PPM1L: variants seen among roughly 807,000 people sequenced by gnomAD.
The protein encoded by PPM1L is protein phosphatase 1L.
PPM1L carries 13 observed loss-of-function variants against 31.4 expected under a neutral mutation model. That is an observed-to-expected ratio of 0.41 (90% confidence interval 0.27 to 0.66). PPM1L has a LOEUF of 0.66. Among genes scored for constraint, PPM1L ranks in the 30% least tolerant of loss-of-function variants. The pLI, the probability that PPM1L is intolerant of heterozygous loss-of-function variation, is 0.29. For synonymous variants in PPM1L, 184 were observed against 175.4 expected (o/e 1.05, Z -0.39); for missense variants, 326 against 453.7 (o/e 0.72, Z 2.56).
chr3:160,789,970 C>A (rs1712053534), intron 1 of PPM1L, among the ~76,000 whole-genome samples: 2 of 152,084 alleles, frequency 1.3e-5, no homozygotes, highest in South Asian at 4.1e-4. Flanking sequence ...TACTTTAAAT[C>A]ATCTCTAGAT....
rs112647660 is a variant in PPM1L at position 160,778,075 on chromosome 3, T to G, written c.399+21368T>G. ...GTAGCCATTTTTAATGGCTGTGATATCTCATTGTGGTTTTGATTTGCATTT... is the reference window on the plus strand; with the variant it reads ...GTAGCCATTTTTAATGGCTGTGATAGCTCATTGTGGTTTTGATTTGCATTT... On this transcript the variant is annotated intron_variant, in intron 1 of 3. Coordinates refer to ENST00000498165, the MANE Select transcript of PPM1L (RefSeq NM_139245.4). Among the ~76,000 whole-genome samples, 1,416 of 152,294 alleles carry G rather than the reference T, an allele frequency of 9.3e-3. 20 individuals are homozygous for G. The highest frequency in any genetic ancestry group is 0.031 in the African/African-American group (1,305 of 41,560).
chr3:160,953,909 C>T (rs1715651071), intron 1 of PPM1L, among the ~76,000 whole-genome samples: 1 of 152,178 alleles, frequency 6.6e-6, no homozygotes, highest in Non-Finnish European at 1.5e-5. Context: ...GTTTTTCTTT[C>T]CCATCTGTTG....
chr3:160,859,755 T>C (rs1418160341), intron 1 of PPM1L, among the ~76,000 whole-genome samples: 1 of 152,170 alleles, frequency 6.6e-6, no homozygotes, highest in Non-Finnish European at 1.5e-5. Context: ...AATATGTGCA[T>C]TTTGTGAGGA....
intron 1 of PPM1L, among the ~76,000 whole-genome samples, chr3:160,910,228 T>C (rs1398857128): frequency 1.6e-5 from 1 of 63,986 alleles, no homozygotes; most frequent in Non-Finnish European, 2.8e-5. Flanking sequence ...TCCCCTTTCC[T>C]TTCCCCTTCC....
intron 1 of PPM1L, among the ~76,000 whole-genome samples, chr3:160,831,228 A>T (rs934007244): frequency 6.6e-6 from 1 of 152,216 alleles, no homozygotes; most frequent in Admixed American, 6.6e-5. Context: ...AATGTTTGAG[A>T]TGATGGATAT....
chr3:160,798,510 G>C (rs764025339), intron 1 of PPM1L, among the ~76,000 whole-genome samples: 1 of 152,104 alleles, frequency 6.6e-6, no homozygotes, highest in Non-Finnish European at 1.5e-5. Flanking sequence ...TTATGCTCTC[G>C]AAATGGAACA....
At chr3:160,877,456 A>G (rs1476110556) in intron 1 of PPM1L, among the ~76,000 whole-genome samples, 1 of 152,206 alleles carries the variant, frequency 6.6e-6, no homozygotes, top group African/African-American at 2.4e-5. Flanking sequence ...CCCAGCTCAT[A>G]GAAATAATTT....
chr3:161,071,891 A>G lies in PPM1L; in HGVS notation c.*2734A>G, dbSNP rs1274818403. The G allele has an allele frequency of 3.3e-5, 5 of 151,916 alleles. No homozygotes were observed. The highest frequency in any genetic ancestry group is 2.6e-4 in the Admixed American group (4 of 15,250). The allele number at this position is 151,916 out of a possible 1,614,324, so 9.4% of individuals were successfully genotyped here. A position where few individuals can be genotyped will look rare whatever the true frequency, so the allele number is the denominator to read the frequency against. ...AAGCTTCCCTAAGCAGCACTGCCAA[A>G]GCTTTGGAATTGTCACCCAAGGCTT... On this transcript the variant is annotated 3_prime_UTR_variant, in exon 4 of 4. Transcript: ENST00000498165.
chr3:160,926,502 G>A (rs546883447), intron 1 of PPM1L, among the ~76,000 whole-genome samples: 1 of 152,268 alleles, frequency 6.6e-6, no homozygotes, highest in African/African-American at 2.4e-5. Flanking sequence ...CACACCAAGA[G>A]TTTAAGCTTT....
At chr3:160,852,516 G>C (rs760600471) in intron 1 of PPM1L, among the ~76,000 whole-genome samples, 2 of 152,068 alleles carry the variant, frequency 1.3e-5, no homozygotes, top group Non-Finnish European at 2.9e-5. Context: ...ATTGATTCAG[G>C]ACAGAGTGGG....
rs1719221183 is a variant in PPM1L at position 161,050,042 on chromosome 3, T to C, written c.575-15361T>C. Among the ~76,000 whole-genome samples, 6 of 152,310 alleles carry C rather than the reference T, an allele frequency of 3.9e-5. No homozygotes were observed. The South Asian group carries it at 1.2e-3, about 32-fold the overall frequency. ...TGGGCAAAAGCATCTAACCATGTGG[T>C]ATGGTGGTGTCACCTGAGTGTGGTG... On this transcript the variant is annotated intron_variant, in intron 2 of 3. Transcript: ENST00000498165.
At chr3:160,766,450 T>C (rs750362623) in intron 1 of PPM1L, among the ~76,000 whole-genome samples, 3 of 152,198 alleles carry the variant, frequency 2.0e-5, no homozygotes, top group Non-Finnish European at 2.9e-5. Flanking sequence ...GTTCTCATGA[T>C]ACTGAGTGAG....
In PPM1L at chr3:160,756,880, C is replaced by G. The variant is rs1467996058; in HGVS notation, c.399+173C>G. Among the ~76,000 whole-genome samples, 1 of 151,754 alleles carries G rather than the reference C, an allele frequency of 6.6e-6. No individual in the cohort carries two copies. Among genetic ancestry groups the G allele is most frequent in the South Asian group, 2.1e-4 (1 of 4,804 alleles). ...ACCACGGTGCCTGGCTGGACAAATG[C>G]GGCTCAAGTTGCCAAAAGCACTGCT... is the stretch of plus-strand genomic sequence containing the variant. On this transcript the variant is annotated intron_variant, in intron 1 of 3. Coordinates refer to ENST00000498165, the MANE Select transcript of PPM1L (RefSeq NM_139245.4). This position sits in a 1 kb window ranked among gnomAD's most constrained non-coding sequence, Gnocchi z 6.2.
intron 1 of PPM1L, among the ~76,000 whole-genome samples, chr3:160,768,083 TATATG>T (rs1194570415): frequency 4.6e-5 from 7 of 152,326 alleles, no homozygotes; most frequent in African/African-American, 7.2e-5. Context: ...TTTACATAGT[TATATG>T]ATAGATATGT....
chr3:160,843,426 T>TTATATATA (rs55994031), intron 1 of PPM1L, among the ~76,000 whole-genome samples: 1,208 of 46,954 alleles, frequency 0.026, 26 homozygotes, highest in Non-Finnish European at 0.032. Flanking sequence ...GGCAATTCTT[T>TTATATATA]TATATATATA....
chr3:160,825,826 G>A (rs1305028140), intron 1 of PPM1L, among the ~76,000 whole-genome samples: 3 of 152,004 alleles, frequency 2.0e-5, no homozygotes, highest in Admixed American at 6.6e-5. Context: ...TGATATTCGC[G>A]AACCCTCCAC....
chr3:160,774,379 G>A (rs911502668), intron 1 of PPM1L, among the ~76,000 whole-genome samples: 1 of 152,124 alleles, frequency 6.6e-6, no homozygotes, highest in African/African-American at 2.4e-5. Context: ...GATTGTGACA[G>A]TGGCCTCCTC....
intron 1 of PPM1L, among the ~76,000 whole-genome samples, chr3:160,917,144 C>T (rs1714212951): frequency 6.6e-6 from 1 of 152,178 alleles, no homozygotes; most frequent in South Asian, 2.1e-4. Context: ...AATTTATCAT[C>T]TGCCCTTATT....
intron 2 of PPM1L, among the ~76,000 whole-genome samples, chr3:161,039,762 C>T (rs980870049): frequency 6.6e-6 from 1 of 152,088 alleles, no homozygotes; most frequent in Non-Finnish European, 1.5e-5. Context: ...GTGATCCGCC[C>T]GCCTCGGCCT....
Sources: gnomAD v4.1 joint callset for allele counts (sites outside exome capture counted in the v4.1 genomes callset) on GRCh38, gnomAD v4.1.1 for gene constraint, Gnocchi (gnomAD v3.1) non-coding constraint, MANE v1.5 for transcripts, NCBI Gene and HGNC (gene_info 2026-07-23, HGNC 2026-07-21) for gene names.